CAB39: variants seen among roughly 807,000 people sequenced by gnomAD.
CAB39 encodes calcium binding protein 39, also known as calcium-binding protein 39.
In CAB39, 8 loss-of-function variants were observed where a neutral mutation model predicts 40.0. That is an observed-to-expected ratio of 0.20 (90% confidence interval 0.12 to 0.36). The LOEUF (loss-of-function observed/expected upper bound fraction) is 0.36, where lower values mean the gene tolerates loss of function less well. Among genes scored for constraint, CAB39 ranks in the 10% least tolerant of loss-of-function variants. The pLI is 1.00. For synonymous variants in CAB39, 156 were observed against 141.6 expected (o/e 1.10, Z -0.72); for missense variants, 270 against 401.1 (o/e 0.67, Z 2.79).
At chr2:230,768,911 T>C (rs762446346) in intron 2 of CAB39, among the ~76,000 whole-genome samples, 2 of 152,236 alleles carry the variant, frequency 1.3e-5, no homozygotes, top group Admixed American at 6.5e-5. Flanking sequence ...ACTGTATCAG[T>C]AATCACATTG....
At chr2:230,729,496 A>G (rs1575904460) in intron 1 of CAB39, among the ~76,000 whole-genome samples, 2 of 152,342 alleles carry the variant, frequency 1.3e-5, no homozygotes, top group South Asian at 4.1e-4. Flanking sequence ...CACGCCTGGA[A>G]TCCCCAGCAC....
chr2:230,747,790 C>T (rs1695001840), intron 1 of CAB39, among the ~76,000 whole-genome samples: 1 of 152,116 alleles, frequency 6.6e-6, no homozygotes, highest in Admixed American at 6.5e-5. Flanking sequence ...AATGAATTTC[C>T]AGCTTCAACA....
intron 1 of CAB39, among the ~76,000 whole-genome samples, chr2:230,737,568 A>C (rs1267877208): frequency 6.6e-6 from 1 of 152,234 alleles, no homozygotes; most frequent in Non-Finnish European, 1.5e-5. Context: ...TAGAGATTAC[A>C]GAGCGCTGTC....
chr2:230,774,756 G>A (rs577277863), intron 2 of CAB39, among the ~76,000 whole-genome samples: 206 of 152,050 alleles, frequency 1.4e-3, no homozygotes, highest in Non-Finnish European at 2.6e-3. Context: ...AGTGACTCAT[G>A]GTTACTAAAC....
chr2:230,800,238 C>T (rs1156962052), intron 5 of CAB39, among the ~76,000 whole-genome samples: 1 of 151,988 alleles, frequency 6.6e-6, no homozygotes, highest in Middle Eastern at 3.2e-3. Context: ...AATGAATGCC[C>T]TAAAGATAGG....
chr2:230,732,463 C>G (rs987852634), intron 1 of CAB39, among the ~76,000 whole-genome samples: 3 of 152,210 alleles, frequency 2.0e-5, no homozygotes, highest in Admixed American at 1.3e-4. Context: ...TAGGAAACAT[C>G]TTCTACCTCA....
intron 1 of CAB39, among the ~76,000 whole-genome samples, chr2:230,714,853 A>G (rs1694321104): frequency 6.6e-6 from 1 of 152,216 alleles, no homozygotes; most frequent in Non-Finnish European, 1.5e-5. Flanking sequence ...GATCTGTGAA[A>G]GCAGCTTAGG....
chr2:230,725,030 C>T (rs113329290), intron 1 of CAB39: 15,515 of 1,294,542 alleles, frequency 0.012, 134 homozygotes, highest in Middle Eastern at 0.017. Flanking sequence ...CGGAGTACGT[C>T]GGAGGTGAGT....
intron 2 of CAB39, among the ~76,000 whole-genome samples, chr2:230,764,842 A>G (rs779219596): frequency 5.3e-5 from 8 of 152,258 alleles, no homozygotes; most frequent in Non-Finnish European, 7.3e-5. Context: ...TTTCTTTAAG[A>G]TAACCATTCT....
At chr2:230,732,107 A>G (rs894598504) in intron 1 of CAB39, among the ~76,000 whole-genome samples, 29 of 141,264 alleles carry the variant, frequency 2.1e-4, no homozygotes, top group African/African-American at 6.7e-4. Context: ...GGGGAGGGGG[A>G]CTGTCTCACT....
chr2:230,749,597 T>G (rs1413065058), intron 1 of CAB39, among the ~76,000 whole-genome samples: 1 of 152,222 alleles, frequency 6.6e-6, no homozygotes, highest in Non-Finnish European at 1.5e-5. Flanking sequence ...TGCAAACTTA[T>G]ATTTAAAGTG....
intron 1 of CAB39, among the ~76,000 whole-genome samples, chr2:230,744,639 A>C (rs1202264671): frequency 6.6e-6 from 1 of 152,256 alleles, no homozygotes; most frequent in Non-Finnish European, 1.5e-5. Flanking sequence ...TAGATGTTAC[A>C]GTGGTTGTTT....
chr2:230,792,096 A>T (rs1413208888), intron 3 of CAB39, among the ~76,000 whole-genome samples: 1 of 152,232 alleles, frequency 6.6e-6, no homozygotes, highest in East Asian at 1.9e-4. Context: ...TAATACTGTT[A>T]ATAAAATAAA....
chr2:230,782,980 TTTTTTG>T lies in CAB39; in HGVS notation c.115-7868_115-7863del, dbSNP rs112776434. On this transcript the variant is annotated intron_variant, in intron 2 of 8. Coordinates refer to ENST00000258418, the MANE Select transcript of CAB39 (RefSeq NM_016289.4). Reference sequence around the variant, plus strand: ...GGCGCTGACCACCACGCCTGGCTAATTTTTTGTTTTTGTTTTTGTTTTTGTTTTTAG... The same window carrying T: ...GGCGCTGACCACCACGCCTGGCTAATTTTTTGTTTTTGTTTTTGTTTTTAG... Among the ~76,000 whole-genome samples, 207 of 147,944 alleles carry T rather than the reference TTTTTTG, an allele frequency of 1.4e-3. 1 individual carries two copies. In the East Asian group the frequency reaches 0.022, roughly 16 times the overall value.
intron 2 of CAB39, among the ~76,000 whole-genome samples, chr2:230,785,766 C>T (rs557694010): frequency 6.6e-6 from 1 of 152,056 alleles, no homozygotes; most frequent in East Asian, 2.0e-4. Flanking sequence ...GCAATCATAG[C>T]TCACTGCAGC....
At chr2:230,752,713 T>G (rs375710530) in intron 1 of CAB39, among the ~76,000 whole-genome samples, 1 of 152,190 alleles carries the variant, frequency 6.6e-6, no homozygotes, top group South Asian at 2.1e-4. Context: ...ACTCCTGGCC[T>G]TTGTGGAGAA....
chr2:230,756,599 A>G (rs1695194410), intron 1 of CAB39, among the ~76,000 whole-genome samples: 1 of 152,210 alleles, frequency 6.6e-6, no homozygotes, highest in Non-Finnish European at 1.5e-5. Context: ...AAGAACATAA[A>G]TGATTTTTGA....
chr2:230,731,063 A>G (rs1372822901), intron 1 of CAB39, among the ~76,000 whole-genome samples: 6 of 152,266 alleles, frequency 3.9e-5, no homozygotes, highest in African/African-American at 1.4e-4. Flanking sequence ...ACTAAACAGC[A>G]GAGCTGGGAT....
At chr2:230,742,136 A>G (rs556012029) in intron 1 of CAB39, among the ~76,000 whole-genome samples, 2 of 151,292 alleles carry the variant, frequency 1.3e-5, no homozygotes, top group Non-Finnish European at 2.9e-5. Context: ...AGATTTACAG[A>G]TAAGTCTTTT....
Sources: allele counts gnomAD v4.1 joint callset (sites outside exome capture counted in the v4.1 genomes callset), GRCh38; gene constraint gnomAD v4.1.1; transcripts MANE v1.5; gene names NCBI Gene and HGNC (gene_info 2026-07-23, HGNC 2026-07-21).